The following HSD17B11 variants were observed in gnomAD, a reference collection of about 807,000 sequenced individuals.
The protein encoded by HSD17B11 is hydroxysteroid 17-beta dehydrogenase 11, also known as estradiol 17-beta-dehydrogenase 11.
A neutral mutation model predicts 27.8 loss-of-function variants in HSD17B11; 22 were observed. The ratio of observed to expected loss-of-function variants is 0.79; its 90% confidence interval spans 0.56 to 1.13. HSD17B11 has a LOEUF of 1.13. Among genes scored for constraint, HSD17B11 ranks in the 50% most tolerant of loss-of-function variants. HSD17B11 has a pLI of 0.00. For synonymous variants in HSD17B11, 117 were observed against 132.8 expected (o/e 0.88, Z 0.82); for missense variants, 314 against 351.1 (o/e 0.89, Z 0.84).
At chr4:87,359,176 T>C (rs544392520) in intron 4 of HSD17B11, among the ~76,000 whole-genome samples, 1 of 152,180 alleles carries the variant, frequency 6.6e-6, no homozygotes, top group Non-Finnish European at 1.5e-5. Context: ...CTTTCCTTTA[T>C]AAATTGGCCA....
At chr4:87,342,546 A>G (rs1421235544) in intron 5 of HSD17B11, among the ~76,000 whole-genome samples, 13 of 152,098 alleles carry the variant, frequency 8.5e-5, no homozygotes, top group African/African-American at 3.1e-4. Context: ...GTCTCAAAAA[A>G]ACAAAAACAA....
At position 87,378,885 on chromosome 4, in the gene HSD17B11, TATATATATAAATATATATAA is replaced by T. The variant is rs1560769305; in HGVS notation, c.318+3350_318+3369del. On this transcript the variant is annotated intron_variant, in intron 2 of 6. Coordinates refer to ENST00000358290, the MANE Select transcript of HSD17B11 (RefSeq NM_016245.5). ...ATATATAAATATATATATATAAATATATATATATAAATATATATAAATATATATATATAAATATATATAAA... is the reference window on the plus strand; with the variant it reads ...ATATATAAATATATATATATAAATATATATATATATATAAATATATATAAA... 2.8e-4 allele frequency among the ~76,000 whole-genome samples: 4 copies of T among 14,138 alleles called. 1 individual carries two copies. The highest frequency in any genetic ancestry group is 1.4e-3 in the Admixed American group (1 of 726). 9.3% of individuals were successfully genotyped at this position (14,138 alleles called of 152,430 possible).
At chr4:87,380,861 CTCAAAAAAAAAAA>C (rs1560770776) in intron 2 of HSD17B11, among the ~76,000 whole-genome samples, 1 of 55,400 alleles carries the variant, frequency 1.8e-5, no homozygotes, top group Non-Finnish European at 3.0e-5. Flanking sequence ...TAGACTCTAT[CTCAAAAAAAAAAA>C]AAAAAAAAAA....
At chr4:87,337,401 T>C (rs1735074313) in intron 6 of HSD17B11, 35 bp from the exon 7 acceptor site, 11 of 1,165,642 alleles carry the variant, frequency 9.4e-6, no homozygotes, top group South Asian at 2.6e-5. Context: ...ATTAGAAAAT[T>C]AATATTAAGT....
chr4:87,347,116 C>CA (rs1735287287), intron 5 of HSD17B11, among the ~76,000 whole-genome samples: 1 of 44,290 alleles, frequency 2.3e-5, no homozygotes, highest in Admixed American at 2.7e-4. Flanking sequence ...TTTTTTTTTT[C>CA]TTTTTTTTTT....
At chr4:87,377,735 A>G (rs1444543090) in intron 2 of HSD17B11, among the ~76,000 whole-genome samples, 1 of 152,180 alleles carries the variant, frequency 6.6e-6, no homozygotes, top group Non-Finnish European at 1.5e-5. Context: ...TTTGTTATAC[A>G]CTGTGTTTCA....
intron 1 of HSD17B11, among the ~76,000 whole-genome samples, chr4:87,389,092 C>T (rs945868270): frequency 3.9e-5 from 6 of 152,178 alleles, no homozygotes; most frequent in African/African-American, 1.4e-4. Context: ...GTTACCCAAT[C>T]AGAAAACGAA....
chr4:87,385,243 T>C (rs1374772062), intron 1 of HSD17B11, among the ~76,000 whole-genome samples: 1 of 152,202 alleles, frequency 6.6e-6, no homozygotes, highest in Non-Finnish European at 1.5e-5. Flanking sequence ...GATAGAATAT[T>C]ATTCAGCCTT....
At chr4:87,340,079 AT>A (rs35289628) in intron 6 of HSD17B11, among the ~76,000 whole-genome samples, 17,688 of 152,232 alleles carry the variant, frequency 0.12, 1,322 homozygotes, top group Non-Finnish European at 0.16. Flanking sequence ...AGCAATTCAT[AT>A]ACTTCAGTAT....
chr4:87,379,842 TTATATA>T (rs1471382665), intron 2 of HSD17B11, among the ~76,000 whole-genome samples: 1 of 61,826 alleles, frequency 1.6e-5, no homozygotes, highest in South Asian at 2.9e-4. Flanking sequence ...TATTATACTA[TTATATA>T]TGTATATGTA....
intron 4 of HSD17B11, among the ~76,000 whole-genome samples, chr4:87,363,694 A>G (rs1735561289): frequency 1.3e-5 from 2 of 152,246 alleles, no homozygotes; most frequent in Non-Finnish European, 2.9e-5. Flanking sequence ...AGCCTTTGCA[A>G]GCTCAAAATT....
At chr4:87,344,725 TCCCAGGTAGA>T (rs1413868969) in intron 5 of HSD17B11, among the ~76,000 whole-genome samples, 2 of 152,174 alleles carry the variant, frequency 1.3e-5, no homozygotes, top group East Asian at 1.9e-4. Flanking sequence ...GAAAATTTTC[TCCCAGGTAGA>T]CCATACATCA....
chr4:87,347,217 G>A (rs1195841250), intron 5 of HSD17B11, among the ~76,000 whole-genome samples: 1 of 64,960 alleles, frequency 1.5e-5, no homozygotes, highest in Non-Finnish European at 2.7e-5. Context: ...CTGGTGCGCT[G>A]CACCCACTAA....
intron 5 of HSD17B11, among the ~76,000 whole-genome samples, chr4:87,341,096 C>G (rs188210498): frequency 6.6e-6 from 1 of 152,270 alleles, no homozygotes; most frequent in East Asian, 1.9e-4. Context: ...ACGTGCCCAC[C>G]TTTAGGCCCT....
chr4:87,354,938 A>G (rs965778986), intron 5 of HSD17B11, among the ~76,000 whole-genome samples: 2 of 131,296 alleles, frequency 1.5e-5, no homozygotes, highest in Non-Finnish European at 3.2e-5. Flanking sequence ...AAACAGCAAA[A>G]TCCTGGCTCT....
chr4:87,386,267 A>G (rs1253927694), intron 1 of HSD17B11, among the ~76,000 whole-genome samples: 2 of 151,638 alleles, frequency 1.3e-5, no homozygotes, highest in Admixed American at 1.3e-4. Context: ...CAATGGTGCA[A>G]TCTTAGCTCA....
chr4:87,336,574 G>C lies in HSD17B11; in HGVS notation c.*702C>G, dbSNP rs368715317. 4 of 152,082 alleles carry C rather than the reference G, an allele frequency of 2.6e-5. No homozygotes were observed. The East Asian group carries it at 5.8e-4, about 22-fold the overall frequency. The allele number at this position is 152,082 out of a possible 1,614,324, so 9.4% of individuals were successfully genotyped here. A position where few individuals can be genotyped will look rare whatever the true frequency, so the allele number is the denominator to read the frequency against. Reference sequence around the variant, plus strand: ...TTTCCTTTAATTTGAAGGTTGTCATGTTCTGTTTAAGACAAAAAGATGGAA... The same window carrying C: ...TTTCCTTTAATTTGAAGGTTGTCATCTTCTGTTTAAGACAAAAAGATGGAA... On this transcript the variant is annotated 3_prime_UTR_variant, in exon 7 of 7. Transcript: ENST00000358290.
At chr4:87,373,127 G>C (rs535417816) in intron 3 of HSD17B11, 16 of 230,384 alleles carry the variant, frequency 6.9e-5, no homozygotes, top group African/African-American at 3.1e-4. Flanking sequence ...ATCACTTGAG[G>C]TCAGGAGTTC....
chr4:87,359,325 A>C (rs1200779810), intron 4 of HSD17B11, among the ~76,000 whole-genome samples: 1 of 152,260 alleles, frequency 6.6e-6, no homozygotes, highest in Non-Finnish European at 1.5e-5. Context: ...GATCTAAAAT[A>C]GATTACTAAG....
Sources: gnomAD v4.1 joint callset for allele counts (sites outside exome capture counted in the v4.1 genomes callset) on GRCh38, gnomAD v4.1.1 for gene constraint, MANE v1.5 for transcripts, NCBI Gene and HGNC (gene_info 2026-07-23, HGNC 2026-07-21) for gene names.